The following ANXA8 variants were observed in gnomAD, a reference collection of about 807,000 sequenced individuals.
ANXA8 encodes annexin A8.
Under a neutral mutation model 26.8 loss-of-function variants are expected in ANXA8, and 9 were observed. That is an observed-to-expected ratio of 0.34 (90% CI 0.20 to 0.59). ANXA8 has a LOEUF of 0.59. Ranked by LOEUF, ANXA8 falls within the 20% of genes least tolerant of loss-of-function variation. The probability of loss-of-function intolerance (pLI) is 0.84; values close to 1 mark genes in which losing one functional copy is unlikely to be tolerated. For synonymous variants in ANXA8, 39 were observed against 94.8 expected (o/e 0.41, Z 3.42); for missense variants, 83 against 238.5 (o/e 0.35, Z 4.29).
At chr10:47,486,103 G>A (rs1383741207), upstream of ANXA8, among the ~76,000 whole-genome samples, 121 of 143,516 alleles carry the variant, frequency 8.4e-4, 2 homozygotes, top group South Asian at 8.5e-3. Flanking sequence ...GTGAAACTCC[G>A]TCTTTAAAAA....
chr10:47,683,223 A>ATTTTTTT, the ANXA8 span, among the ~76,000 whole-genome samples: 14 of 110,602 alleles, frequency 1.3e-4, no homozygotes, highest in Non-Finnish European at 1.4e-4. Context: ...GCATTTACTA[A>ATTTTTTT]TTTTTTTTTT....
the ANXA8 span, among the ~76,000 whole-genome samples, chr10:47,931,966 CA>C: frequency 1.1e-5 from 1 of 86,978 alleles, no homozygotes; most frequent in Non-Finnish European, 2.3e-5. Context: ...AAGGTTCATA[CA>C]TTGAGCATTG....
the ANXA8 span, among the ~76,000 whole-genome samples, chr10:47,743,319 T>TATATATACATATATATATATACAC: frequency 4.4e-5 from 2 of 45,876 alleles, no homozygotes; most frequent in Non-Finnish European, 8.8e-5. Context: ...TATACACATA[T>TATATATACATATATATATATACAC]ATATATATAC....
chr10:47,678,742 A>G, the ANXA8 span, among the ~76,000 whole-genome samples: 1 of 151,690 alleles, frequency 6.6e-6, no homozygotes, highest in Non-Finnish European at 1.5e-5. Flanking sequence ...GAATTACTTT[A>G]GGAAACAGCG....
chr10:47,945,439 G>A, the ANXA8 span, among the ~76,000 whole-genome samples: 1 of 150,838 alleles, frequency 6.6e-6, no homozygotes, highest in Admixed American at 6.6e-5. Context: ...CTGGGTAAGG[G>A]TCTCTTTGCC....
the ANXA8 span, among the ~76,000 whole-genome samples, chr10:47,688,582 C>T: frequency 3.7e-4 from 56 of 151,216 alleles, no homozygotes; most frequent in African/African-American, 1.3e-3. Context: ...CCATCACAGC[C>T]GGCTAATTTT....
At chr10:47,947,926 T>C in the ANXA8 span, among the ~76,000 whole-genome samples, 1 of 150,964 alleles carries the variant, frequency 6.6e-6, no homozygotes, top group South Asian at 2.1e-4. Context: ...GAGCAGGCAC[T>C]TTCAGAGCTC....
At chr10:47,898,660 G>A in the ANXA8 span, among the ~76,000 whole-genome samples, 1 of 98,840 alleles carries the variant, frequency 1.0e-5, no homozygotes, top group Admixed American at 1.0e-4. Context: ...ACAGTTTTAA[G>A]GTTCCTGTGC....
chr10:47,510,829 C>CA, the ANXA8 span, among the ~76,000 whole-genome samples: 1,538 of 26,844 alleles, frequency 0.057, 40 homozygotes, highest in Middle Eastern at 0.15. Context: ...GACTCCGTCT[C>CA]AAAAAAAAAA....
At chr10:47,625,617 C>A in the ANXA8 span, among the ~76,000 whole-genome samples, 3,137 of 151,068 alleles carry the variant, frequency 0.021, 9 homozygotes, top group Middle Eastern at 0.041. Flanking sequence ...TTTTATCTAT[C>A]CCCAAGCATT....
At chr10:47,744,423 T>TGGGGGGGGGTGGGGGAAGGGGGGGTG in the ANXA8 span, among the ~76,000 whole-genome samples, 1 of 6,436 alleles carries the variant, frequency 1.6e-4, no homozygotes, top group Non-Finnish European at 2.7e-4. Flanking sequence ...GGGGGGGGGT[T>TGGGGGGGGGTGGGGGAAGGGGGGGTG]GGGGGGGAGG....
At chr10:47,733,207 TTCTTTC>T in the ANXA8 span, among the ~76,000 whole-genome samples, 257 of 90,054 alleles carry the variant, frequency 2.9e-3, 5 homozygotes, top group Middle Eastern at 9.7e-3. Flanking sequence ...CTTTCTTTCT[TTCTTTC>T]TTTCTTTCTC....
At chr10:47,589,215 C>T in the ANXA8 span, 2 of 147,092 alleles carry the variant, frequency 1.4e-5, no homozygotes, top group Non-Finnish European at 2.9e-5. Flanking sequence ...AGCAAAGATA[C>T]AGCAGGTTAA....
At chr10:47,970,110 G>A in the ANXA8 span, 1 of 151,448 alleles carries the variant, frequency 6.6e-6, no homozygotes, top group Non-Finnish European at 1.5e-5. Context: ...AGAGATCCTG[G>A]GCTTGGTCTC....
the ANXA8 span, among the ~76,000 whole-genome samples, chr10:47,771,917 C>T: frequency 5.3e-5 from 8 of 151,302 alleles, no homozygotes; most frequent in African/African-American, 2.0e-4. Flanking sequence ...CTTTTGGTTA[C>T]AATTTACAGT....
At chr10:47,608,377 C>T in the ANXA8 span, among the ~76,000 whole-genome samples, 2 of 23,450 alleles carry the variant, frequency 8.5e-5, no homozygotes, top group South Asian at 2.5e-3. Context: ...GCTTTCAAAC[C>T]CTTATATGAG....
At chr10:47,694,268 A>G in the ANXA8 span, among the ~76,000 whole-genome samples, 2 of 151,250 alleles carry the variant, frequency 1.3e-5, no homozygotes, top group Non-Finnish European at 2.9e-5. Context: ...CGAATTCTGA[A>G]TAAGTTTCTT....
At chr10:47,755,330 A>C in the ANXA8 span, among the ~76,000 whole-genome samples, 1 of 151,648 alleles carries the variant, frequency 6.6e-6, no homozygotes, top group African/African-American at 2.4e-5. Flanking sequence ...ATCTCGGCTC[A>C]CTGCAAGCTC....
At chr10:47,535,740 C>T in the ANXA8 span, among the ~76,000 whole-genome samples, 6 of 50,344 alleles carry the variant, frequency 1.2e-4, no homozygotes, top group South Asian at 5.9e-3. Context: ...AATGGCCCCC[C>T]AAAGATGTCC....
Sources: gnomAD v4.1 joint callset for allele counts (sites outside exome capture counted in the v4.1 genomes callset) on GRCh38, gnomAD v4.1.1 for gene constraint, MANE v1.5 for transcripts, NCBI Gene and HGNC (gene_info 2026-07-23, HGNC 2026-07-21) for gene names.